The following ZEB1 variants were observed in gnomAD, a reference collection of about 807,000 sequenced individuals.
ZEB1 encodes zinc finger E-box binding homeobox 1.
ZEB1 carries 21 observed loss-of-function variants against 84.9 expected under a neutral mutation model. That is an observed-to-expected ratio of 0.25 (90% CI 0.18 to 0.36). The LOEUF (loss-of-function observed/expected upper bound fraction) is 0.36. Among genes scored for constraint, ZEB1 ranks in the 10% least tolerant of loss-of-function variants. ZEB1 has a pLI of 1.00. For synonymous variants in ZEB1, 420 were observed against 471.1 expected (o/e 0.89, Z 1.41); for missense variants, 1,104 against 1,330.2 (o/e 0.83, Z 2.65).
At chr10:31,448,879 C>A (rs941657443) in intron 1 of ZEB1, among the ~76,000 whole-genome samples, 1 of 152,210 alleles carries the variant, frequency 6.6e-6, no homozygotes, top group Non-Finnish European at 1.5e-5. Context: ...TGTCTGTGCC[C>A]TGTCCCCAGA....
At chr10:31,471,676 C>T (rs1010408822) in intron 2 of ZEB1, among the ~76,000 whole-genome samples, 95 of 147,468 alleles carry the variant, frequency 6.4e-4, no homozygotes, top group Admixed American at 2.4e-3. Context: ...AACAAGGATA[C>T]CCAGGAATTG....
intron 4 of ZEB1, among the ~76,000 whole-genome samples, chr10:31,507,124 T>C (rs1591964871): frequency 6.6e-6 from 1 of 152,072 alleles, no homozygotes; most frequent in South Asian, 2.1e-4. Context: ...GCTGGCAGGG[T>C]TTTTTTCTTT....
At chr10:31,450,900 G>A (rs779183375) in intron 1 of ZEB1, among the ~76,000 whole-genome samples, 4 of 151,854 alleles carry the variant, frequency 2.6e-5, no homozygotes, top group Admixed American at 1.3e-4. Flanking sequence ...GCGTGCGTGC[G>A]CATGTGTGCC....
Position 31,527,200 on chromosome 10 carries a change from G to A in ZEB1, c.3314G>A (p.Ser1105Asn), listed in dbSNP as rs867898481. Residue 1105 changes from serine to asparagine, a missense_variant, in exon 9 of 9, where the codon AGC (serine) becomes AAC (asparagine). This residue lies in a region of ZEB1 where 173 missense variants were observed against 167.0 expected (regional missense o/e 1.04). Transcript: ENST00000424869. Reference sequence around the variant, plus strand: ...GACAGGGCTGAAAGTCAAGCAAGCAGCTTAGGACAAAAAGTAGGCGAGAGT... The same window carrying A: ...GACAGGGCTGAAAGTCAAGCAAGCAACTTAGGACAAAAAGTAGGCGAGAGT... ...KDDRAESQAS[S>N]LGQKVGESSE... The A allele has an allele frequency of 1.2e-6, 2 of 1,611,718 alleles. No homozygotes were observed.
intron 1 of ZEB1, among the ~76,000 whole-genome samples, chr10:31,370,662 G>T (rs1004296958): frequency 9.2e-5 from 14 of 152,118 alleles, no homozygotes; most frequent in Non-Finnish European, 1.6e-4. Context: ...GTCTGAAATT[G>T]AGTATGTAGG....
At chr10:31,502,099 G>T (rs1038008937) in intron 3 of ZEB1, among the ~76,000 whole-genome samples, 1 of 152,092 alleles carries the variant, frequency 6.6e-6, no homozygotes, top group African/African-American at 2.4e-5. Context: ...ATAGAAGTAT[G>T]ACTTTAACAT....
chr10:31,400,626 A>AT lies in ZEB1; in HGVS notation c.59-60404dup, dbSNP rs572482426. 4.6e-5 allele frequency among the ~76,000 whole-genome samples: 7 copies of AT among 152,156 alleles called. 1 individual carries two copies. The South Asian group carries it at 1.2e-3, about 27-fold the overall frequency. On this transcript the variant is annotated intron_variant, in intron 1 of 8. Transcript: ENST00000424869. ...AAAGTAGTCATTTAGTACAGTAGGAATTTTTTTACAAAAAAACTTATAAAA... is the reference window on the plus strand; with the variant it reads ...AAAGTAGTCATTTAGTACAGTAGGAATTTTTTTTACAAAAAAACTTATAAAA...
At chr10:31,363,498 T>C (rs936457771) in intron 1 of ZEB1, 5 of 1,530,694 alleles carry the variant, frequency 3.3e-6, no homozygotes, top group African/African-American at 2.7e-5. Flanking sequence ...AGGTGGAGGC[T>C]GCTTCCCCAT....
intron 1 of ZEB1, among the ~76,000 whole-genome samples, chr10:31,444,131 A>T (rs1366122219): frequency 1.7e-4 from 26 of 150,604 alleles, no homozygotes; most frequent in Non-Finnish European, 2.8e-4. Context: ...GGTATCTCAT[A>T]GTGGTTTTGA....
chr10:31,384,771 G>C (rs1356077990), intron 1 of ZEB1, among the ~76,000 whole-genome samples: 2 of 152,190 alleles, frequency 1.3e-5, no homozygotes, highest in Non-Finnish European at 2.9e-5. Flanking sequence ...CACAGCATGA[G>C]TAAGTTTCTA....
Position 31,516,539 on chromosome 10 carries a change from T to TAA in ZEB1, c.793+1869_793+1870dup, listed in dbSNP as rs71027029. On this transcript the variant is annotated intron_variant, in intron 6 of 8. Transcript: ENST00000424869. ...AACCAAGACCCAGGGTGTCTGTAAG[T>TAA]AAAAAAAAAAAAAAAAAAAAAAAAA... 6.5e-4 allele frequency among the ~76,000 whole-genome samples: 22 copies of TAA among 34,070 alleles called. 2 individuals carry two copies. Among genetic ancestry groups the TAA allele is most frequent in the African/African-American group, 2.2e-3 (22 of 10,080 alleles). 22.4% of individuals were successfully genotyped at this position (34,070 alleles called of 152,430 possible). A position where few individuals can be genotyped will look rare whatever the true frequency, so the allele number is the denominator to read the frequency against.
chr10:31,322,559 C>T (rs530341927), intron 1 of ZEB1, among the ~76,000 whole-genome samples: 89 of 151,978 alleles, frequency 5.9e-4, no homozygotes, highest in Non-Finnish European at 1.2e-3. Flanking sequence ...AGGGGTAAAC[C>T]AATTGAGTAA....
At chr10:31,483,730 A>G (rs551908477) in intron 2 of ZEB1, among the ~76,000 whole-genome samples, 1 of 151,964 alleles carries the variant, frequency 6.6e-6, no homozygotes, top group African/African-American at 2.4e-5. Context: ...GATTGCTGTT[A>G]TCTTCATTCT....
intron 4 of ZEB1, among the ~76,000 whole-genome samples, chr10:31,503,155 C>G (rs995216164): frequency 2.0e-5 from 3 of 151,950 alleles, no homozygotes; most frequent in Non-Finnish European, 2.9e-5. Context: ...TTCAAAAAGC[C>G]TCACTGAAAG....
At chr10:31,454,135 A>G (rs775304913) in intron 1 of ZEB1, among the ~76,000 whole-genome samples, 2 of 152,236 alleles carry the variant, frequency 1.3e-5, no homozygotes, top group Non-Finnish European at 2.9e-5. Context: ...AATCCATTGT[A>G]TAAATGGAAC....
At chr10:31,439,472 G>A (rs111783694) in intron 1 of ZEB1, among the ~76,000 whole-genome samples, 5 of 152,020 alleles carry the variant, frequency 3.3e-5, no homozygotes, top group South Asian at 2.1e-4. Flanking sequence ...CTTTTTTGCC[G>A]ATTTACTAAA....
rs549493687 is a variant in ZEB1 at position 31,435,585 on chromosome 10, A to G, written c.59-25452A>G. On this transcript the variant is annotated intron_variant, in intron 1 of 8. Coordinates refer to ENST00000424869, the MANE Select transcript of ZEB1 (RefSeq NM_001174096.2). The stretch of plus-strand genomic sequence containing the variant: ...TATGACACTGGAGTGGAAAAGAAAG[A>G]CCCAGCTGTGTGGAGTTGGAAACAG... 2.6e-5 allele frequency among the ~76,000 whole-genome samples: 4 copies of G among 152,290 alleles called. No homozygotes were observed. In the South Asian group the frequency reaches 8.3e-4, roughly 32 times the overall value.
At chr10:31,411,698 T>C (rs192037409) in intron 1 of ZEB1, among the ~76,000 whole-genome samples, 1,556 of 144,696 alleles carry the variant, frequency 0.011, 24 homozygotes, top group African/African-American at 0.038. Context: ...ATGCTATAAA[T>C]TTCTCTCCCA....
intron 1 of ZEB1, among the ~76,000 whole-genome samples, chr10:31,341,942 G>C (rs1168654393): frequency 6.6e-6 from 1 of 152,144 alleles, no homozygotes; most frequent in Non-Finnish European, 1.5e-5. Context: ...TTTACCAGAT[G>C]GTACAGTAAA....
Sources: allele counts gnomAD v4.1 joint callset (sites outside exome capture counted in the v4.1 genomes callset), GRCh38; gene constraint gnomAD v4.1.1; regional missense constraint gnomAD v4.1.1; transcripts MANE v1.5; gene names NCBI Gene and HGNC (gene_info 2026-07-23, HGNC 2026-07-21).